Variants in DGKH observed in about 807,000 individuals in gnomAD.
The protein encoded by DGKH is DAG kinase eta.
DGKH carries 90 observed loss-of-function variants against 159.3 expected under a neutral mutation model. The observed-to-expected ratio is 0.57, with a 90% CI of 0.48 to 0.67. The LOEUF is 0.67. Among genes scored for constraint, DGKH ranks in the 30% least tolerant of loss-of-function variants. DGKH has a pLI of 0.00. For synonymous variants in DGKH, 536 were observed against 553.8 expected, an observed-to-expected ratio of 0.97 and a Z score of 0.45; for missense variants, 1,181 against 1,506.1, an observed-to-expected ratio of 0.78 and a Z score of 3.57.
chr13:42,189,329 G>A lies in DGKH; in HGVS notation c.1912+20G>A. 6.2e-7 allele frequency: 1 copy of A among 1,611,540 alleles called. No homozygotes were observed. Among genetic ancestry groups the A allele is most frequent in the Non-Finnish European group, 8.5e-7 (1 of 1,178,022 alleles). ...GAAAAGGTACACATTAACAAATTTAGCTTTGGAAGAAGTTGGCAGCATTTC... is the reference window on the plus strand; with the variant it reads ...GAAAAGGTACACATTAACAAATTTAACTTTGGAAGAAGTTGGCAGCATTTC... On this transcript the variant is annotated intron_variant, in intron 15 of 29. Transcript: ENST00000337343.
intron 3 of DGKH, among the ~76,000 whole-genome samples, chr13:42,144,247 A>G (rs1385821988): frequency 1.3e-5 from 2 of 152,208 alleles, no homozygotes; most frequent in East Asian, 3.9e-4. Context: ...AATAAGGTAT[A>G]GTAGGGAGGC....
At chr13:42,139,835 G>A (rs1429104346) in intron 3 of DGKH, among the ~76,000 whole-genome samples, 1 of 152,126 alleles carries the variant, frequency 6.6e-6, no homozygotes, top group Non-Finnish European at 1.5e-5. Flanking sequence ...AAATTTAAAG[G>A]CTATGCTGCC....
At chr13:42,083,283 A>G (rs759610583) in intron 1 of DGKH, among the ~76,000 whole-genome samples, 4 of 152,188 alleles carry the variant, frequency 2.6e-5, no homozygotes, top group Non-Finnish European at 5.9e-5. Flanking sequence ...GGAACTTGCA[A>G]CTTAAATGAT....
chr13:42,075,885 T>C (rs1954086112), intron 1 of DGKH, among the ~76,000 whole-genome samples: 1 of 152,232 alleles, frequency 6.6e-6, no homozygotes, highest in Admixed American at 6.5e-5. Context: ...AATTGAACTT[T>C]CCTGTTTTTA....
At chr13:42,167,784 T>A (rs1467540607) in intron 9 of DGKH, among the ~76,000 whole-genome samples, 1 of 152,220 alleles carries the variant, frequency 6.6e-6, no homozygotes, top group Admixed American at 6.5e-5. Context: ...TAGTCTTGAT[T>A]TATTTTCCCA....
intron 30 of DGKH, among the ~76,000 whole-genome samples, chr13:42,254,954 A>G (rs1041044534): frequency 6.6e-6 from 1 of 152,054 alleles, no homozygotes; most frequent in African/African-American, 2.4e-5. Flanking sequence ...TGGCATTTTT[A>G]TTAATAAAAG....
Position 42,098,036 on chromosome 13 carries a change from C to T in DGKH, c.193-29427C>T, listed in dbSNP as rs543483021. 5.3e-5 allele frequency among the ~76,000 whole-genome samples: 8 copies of T among 152,306 alleles called. No individual in the cohort carries two copies. In the South Asian group the frequency reaches 1.4e-3, roughly 28 times the overall value. ...CAAAATCTTCCAGTTCTTGTCTTCT[C>T]TCCCATTTTGTTTTCCTTATAGTTT... On this transcript the variant is annotated intron_variant, in intron 1 of 29. Transcript: ENST00000337343.
At chr13:42,140,804 T>G (rs1002815097) in intron 3 of DGKH, 1 of 152,076 alleles carries the variant, frequency 6.6e-6, no homozygotes, top group African/African-American at 2.4e-5. Flanking sequence ...TGGTGCAGAC[T>G]AAAGCCTCAA....
At chr13:42,094,122 T>G (rs1184575) in intron 1 of DGKH, among the ~76,000 whole-genome samples, 69,750 of 120,374 alleles carry the variant, frequency 0.58, 19,107 homozygotes, top group African/African-American at 0.68. Flanking sequence ...CTGTTGTGGG[T>G]TGGGGGGAGG....
intron 1 of DGKH, among the ~76,000 whole-genome samples, chr13:42,053,821 C>G (rs1881551353): frequency 6.6e-6 from 1 of 151,954 alleles, no homozygotes; most frequent in Admixed American, 6.6e-5. Flanking sequence ...GGGGTTTCAC[C>G]ATGTTGGCCA....
intron 11 of DGKH, among the ~76,000 whole-genome samples, chr13:42,170,771 C>T (rs1218044432): frequency 3.3e-5 from 5 of 151,958 alleles, no homozygotes; most frequent in African/African-American, 7.2e-5. Flanking sequence ...GGTGAAACCC[C>T]GTCTCTACTA....
chr13:42,048,697 C>T lies in DGKH; in HGVS notation c.-77C>T. 1.6e-6 allele frequency: 2 copies of T among 1,223,632 alleles called. No individual in the cohort carries two copies. The highest frequency in any genetic ancestry group is 2.0e-6 in the Non-Finnish European group (2 of 978,420). The allele number at this position is 1,223,632 out of a possible 1,614,324, so 75.8% of individuals were successfully genotyped here. A position where few individuals can be genotyped will look rare whatever the true frequency, so the allele number is the denominator to read the frequency against. ...GCCGGGCACGGGGTTCCGGGCTCCG[C>T]TCGGGCAGAGCCCACCCGCTGACCA... On this transcript the variant is annotated 5_prime_UTR_variant, in exon 1 of 30. Transcript: ENST00000337343. The surrounding 1 kb of genome is among the most constrained non-coding windows in gnomAD (Gnocchi z 6.7).
At chr13:42,058,683 TC>T (rs1593962250) in intron 1 of DGKH, among the ~76,000 whole-genome samples, 1 of 152,320 alleles carries the variant, frequency 6.6e-6, no homozygotes, top group East Asian at 1.9e-4. Context: ...CCATTAGACT[TC>T]CTTTTCCCCT....
chr13:42,146,150 CTTTT>C (rs57139526), intron 3 of DGKH, among the ~76,000 whole-genome samples: 1 of 110,270 alleles, frequency 9.1e-6, no homozygotes, highest in Non-Finnish European at 1.8e-5. Flanking sequence ...TCTGGGGAGG[CTTTT>C]TTTTTTTTTT....
At chr13:42,119,204 C>G (rs1047125805) in intron 1 of DGKH, among the ~76,000 whole-genome samples, 1 of 152,176 alleles carries the variant, frequency 6.6e-6, no homozygotes, top group Non-Finnish European at 1.5e-5. Flanking sequence ...CCGTATTTCT[C>G]CTCAAAGCAT....
intron 5 of DGKH, 24 bp from the exon 6 acceptor site, chr13:42,159,242 C>CTGTTTTTTTTTTT: frequency 1.3e-5 from 2 of 159,040 alleles, no homozygotes; most frequent in East Asian, 9.0e-5. Context: ...AAAGCAGTTG[C>CTGTTTTTTTTTTT]TCTTTTTTTT....
intron 1 of DGKH, among the ~76,000 whole-genome samples, chr13:42,117,957 C>G (rs1193156195): frequency 6.6e-6 from 1 of 152,158 alleles, no homozygotes; most frequent in Non-Finnish European, 1.5e-5. Context: ...GTGGCTCACA[C>G]CTGTAATCCC....
At chr13:42,159,752 C>T (rs553711641) in intron 6 of DGKH, among the ~76,000 whole-genome samples, 23 of 152,324 alleles carry the variant, frequency 1.5e-4, no homozygotes, top group African/African-American at 5.5e-4. Context: ...TCTGGGAACG[C>T]TTAGTGATCA....
intron 21 of DGKH, among the ~76,000 whole-genome samples, chr13:42,207,070 T>TTTCC (rs1216154316): frequency 8.9e-6 from 1 of 112,756 alleles, no homozygotes; most frequent in Non-Finnish European, 1.8e-5. Flanking sequence ...TCCTTCTTTC[T>TTTCC]TTCTTTCTTT....
Sources: allele counts gnomAD v4.1 joint callset (sites outside exome capture counted in the v4.1 genomes callset), GRCh38; gene constraint gnomAD v4.1.1; non-coding constraint Gnocchi (gnomAD v3.1); transcripts MANE v1.5; gene names NCBI Gene and HGNC (gene_info 2026-07-23, HGNC 2026-07-21).